Variants in SLC9A3 observed in about 807,000 individuals in gnomAD.
The protein encoded by SLC9A3 is sodium/hydrogen exchanger 3.
Under a neutral mutation model 86.8 loss-of-function variants are expected in SLC9A3, and 37 were observed. That is an observed-to-expected ratio of 0.43 (90% CI 0.33 to 0.56). SLC9A3 has a LOEUF of 0.56. SLC9A3 is among the 20% of genes least tolerant of loss of function. SLC9A3 has a pLI of 0.06. For synonymous variants in SLC9A3, 581 were observed against 528.3 expected (o/e 1.10, Z -1.37); for missense variants, 1,011 against 1,171.9 (o/e 0.86, Z 2.00).
chr5:488,749 G>A (rs982531635), intron 2 of SLC9A3, among the ~76,000 whole-genome samples: 4 of 152,270 alleles, frequency 2.6e-5, no homozygotes, highest in Non-Finnish European at 5.9e-5. Context: ...TGGGTGAACG[G>A]AGGCAGGTGG....
chr5:472,595 TG>T lies in SLC9A3; in HGVS notation c.*783del, dbSNP rs537827479. The stretch of plus-strand genomic sequence containing the variant: ...GACCGGGCGCGGGCAGGACGGAACC[TG>T]GGGGGGAAACGGGGCAGGTACTGGC... On this transcript the variant is annotated 3_prime_UTR_variant, in exon 17 of 17. Coordinates refer to ENST00000264938, the MANE Select transcript of SLC9A3 (RefSeq NM_004174.4). The T allele has an allele frequency of 2.9e-5, 11 of 384,586 alleles. No individual in the cohort carries two copies. The highest frequency in any genetic ancestry group is 6.6e-5 in the African/African-American group (3 of 45,300). 23.8% of individuals were successfully genotyped at this position (384,586 alleles called of 1,614,324 possible).
chr5:512,154 G>T (rs1733570886), intron 1 of SLC9A3, among the ~76,000 whole-genome samples: 1 of 152,206 alleles, frequency 6.6e-6, no homozygotes, highest in Admixed American at 6.5e-5. Flanking sequence ...GGGCAGTGAA[G>T]CTCCTCTGGA....
intron 1 of SLC9A3, among the ~76,000 whole-genome samples, chr5:505,129 T>A (rs894272273): frequency 7.0e-6 from 1 of 142,348 alleles, no homozygotes; most frequent in Middle Eastern, 3.6e-3. Context: ...AGAAACAGCA[T>A]CCTCCTCCAT....
intron 9 of SLC9A3, 51 bp from the exon 10 acceptor site, chr5:480,016 C>A: frequency 1.3e-6 from 2 of 1,587,934 alleles, no homozygotes; most frequent in Non-Finnish European, 1.7e-6. Flanking sequence ...CGCCCTAGAG[C>A]CCGCCGGACG....
chr5:503,223 A>C (rs1373506627), intron 1 of SLC9A3, among the ~76,000 whole-genome samples: 1 of 152,228 alleles, frequency 6.6e-6, no homozygotes, highest in African/African-American at 2.4e-5. Flanking sequence ...AGGAGAAAAA[A>C]TGGTTTTTAA....
chr5:484,814 C>G (rs1019833749), intron 4 of SLC9A3, 117 bp from the exon 5 acceptor site: 1 of 966,234 alleles, frequency 1.0e-6, no homozygotes, highest in South Asian at 1.5e-5. Context: ...GGATCCCTCA[C>G]TCTCTTGGAG....
chr5:483,556 C>T, intron 5 of SLC9A3, 74 bp from the exon 6 acceptor site: 7 of 1,090,884 alleles, frequency 6.4e-6, no homozygotes, highest in South Asian at 2.7e-5. Flanking sequence ...GCCCAGCCCC[C>T]CACGGCCTGG....
Position 473,266 on chromosome 5 carries a change from G to C in SLC9A3, c.*113C>G, listed in dbSNP as rs556573207. ...GTGGGCGAGGCGGGGCTCGGGGCTCGCGGTCGCTGTAGCCGCGCGGGGATC... is the reference window on the plus strand; with the variant it reads ...GTGGGCGAGGCGGGGCTCGGGGCTCCCGGTCGCTGTAGCCGCGCGGGGATC... On this transcript the variant is annotated 3_prime_UTR_variant, in exon 17 of 17. Coordinates refer to ENST00000264938, the MANE Select transcript of SLC9A3 (RefSeq NM_004174.4). 2.6e-6 allele frequency: 3 copies of C among 1,148,910 alleles called. No homozygotes were observed. Among genetic ancestry groups the C allele is most frequent in the African/African-American group, 1.7e-5 (1 of 58,210 alleles). 71.2% of individuals were successfully genotyped at this position (1,148,910 alleles called of 1,614,324 possible).
At chr5:507,139 T>G in intron 1 of SLC9A3, among the ~76,000 whole-genome samples, 2 of 144,740 alleles carry the variant, frequency 1.4e-5, no homozygotes, top group African/African-American at 2.5e-5. Context: ...TTGGGTCAGG[T>G]AAGAAGGAGG....
intron 1 of SLC9A3, among the ~76,000 whole-genome samples, chr5:495,943 C>T (rs994174648): frequency 6.6e-6 from 1 of 150,476 alleles, no homozygotes; most frequent in East Asian, 2.0e-4. Context: ...CTCCACTCCC[C>T]GCGCCATCGC....
At chr5:522,402 C>G (rs986712729) in intron 1 of SLC9A3, among the ~76,000 whole-genome samples, 7 of 152,262 alleles carry the variant, frequency 4.6e-5, no homozygotes, top group African/African-American at 1.7e-4. Context: ...ATTGGACCTT[C>G]AGATGCCAGA....
intron 1 of SLC9A3, among the ~76,000 whole-genome samples, chr5:499,267 C>T (rs1226540240): frequency 6.6e-6 from 1 of 152,250 alleles, no homozygotes; most frequent in Non-Finnish European, 1.5e-5. Flanking sequence ...CAATTAAGCA[C>T]ACAATGGACG....
intron 1 of SLC9A3, among the ~76,000 whole-genome samples, chr5:511,412 T>G (rs1235857579): frequency 6.6e-6 from 1 of 152,228 alleles, no homozygotes. Context: ...CTAAAGAGTT[T>G]ATCATTCAAA....
rs1050474422 is a variant in SLC9A3, at chr5:480,127, C to T, written c.1518-162G>A. ...GCCCCTGCCACACGCCCAGGCCGTC[C>T]GCCGTTCTCCCGCCTGTCCTGTTGG... On this transcript the variant is annotated intron_variant, in intron 9 of 16. Transcript: ENST00000264938. The T allele has an allele frequency of 2.9e-5, 20 of 686,960 alleles. 1 individual carries two copies. Among genetic ancestry groups the T allele is most frequent in the South Asian group, 1.1e-4 (6 of 53,076 alleles). The allele number at this position is 686,960 out of a possible 1,614,324, so 42.6% of individuals were successfully genotyped here.
intron 1 of SLC9A3, among the ~76,000 whole-genome samples, chr5:513,436 G>A (rs566271449): frequency 6.6e-6 from 1 of 152,190 alleles, no homozygotes; most frequent in African/African-American, 2.4e-5. Flanking sequence ...CTCTAACAGA[G>A]CTCAAGTGCC....
At chr5:514,095 C>T (rs543610819) in intron 1 of SLC9A3, among the ~76,000 whole-genome samples, 5 of 152,266 alleles carry the variant, frequency 3.3e-5, no homozygotes, top group Non-Finnish European at 7.3e-5. Flanking sequence ...GGGAGGGCAC[C>T]CTGCTTTCTG....
intron 1 of SLC9A3, among the ~76,000 whole-genome samples, chr5:523,452 C>T (rs1733943716): frequency 2.0e-5 from 3 of 152,108 alleles, no homozygotes. Flanking sequence ...AGAGACCCTA[C>T]CCTGTGGACC....
At chr5:479,097 G>A (rs933826766) in intron 10 of SLC9A3, 5 of 152,636 alleles carry the variant, frequency 3.3e-5, no homozygotes, top group Admixed American at 6.5e-5. Context: ...CACCCTGACC[G>A]GCTGCTGGAT....
Position 497,478 on chromosome 5 carries a change from A to G in SLC9A3, c.212-5407T>C, listed in dbSNP as rs1354184913. Among the ~76,000 whole-genome samples the G allele has an allele frequency of 6.6e-6, 1 of 152,202 alleles. No homozygotes were observed. Among genetic ancestry groups the G allele is most frequent in the Non-Finnish European group, 1.5e-5 (1 of 68,028 alleles). On this transcript the variant is annotated intron_variant, in intron 1 of 16. Transcript: ENST00000264938. This position sits in a 1 kb window ranked among gnomAD's most constrained non-coding sequence, Gnocchi z 5.4. ...GCACCGGGACTGCTGTGAAGGACAC[A>G]GTCAGCCGGACTTTGCTTAGTTCAC...
Sources: gnomAD v4.1 joint callset for allele counts (sites outside exome capture counted in the v4.1 genomes callset) on GRCh38, gnomAD v4.1.1 for gene constraint, Gnocchi (gnomAD v3.1) non-coding constraint, MANE v1.5 for transcripts, NCBI Gene and HGNC (gene_info 2026-07-23, HGNC 2026-07-21) for gene names.